Variants in EIF5B observed in about 807,000 individuals in gnomAD.
The protein encoded by EIF5B is eIF-5B.
Under a neutral mutation model 147.5 loss-of-function variants are expected in EIF5B, and 47 were observed. The ratio of observed to expected loss-of-function variants is 0.32; its 90% CI spans 0.25 to 0.41. The LOEUF is 0.41. Ranked by LOEUF, EIF5B falls within the 10% of genes least tolerant of loss-of-function variation. EIF5B has a pLI of 1.00. For missense variants in EIF5B, 1,064 were observed against 1,413.2 expected (o/e 0.75, Z 3.96); for synonymous variants, 455 against 456.2 (o/e 1.00, Z 0.03).
At position 99,385,140 on chromosome 2, in the gene EIF5B, G is replaced by A. The variant is rs189666678; in HGVS notation, c.2271+2219G>A. 2.3e-3 allele frequency among the ~76,000 whole-genome samples: 350 copies of A among 152,184 alleles called. 4 individuals are homozygous for A. Among genetic ancestry groups the A allele is most frequent in the African/African-American group, 8.2e-3 (341 of 41,514 alleles). On this transcript the variant is annotated intron_variant, in intron 14 of 23. Coordinates refer to ENST00000289371, the MANE Select transcript of EIF5B (RefSeq NM_015904.4). ...CAGCTCACCGCAACCTCTGCCTTCC[G>A]GGTTCAAGCGATTCTCCTGCCTCAG...
intron 22 of EIF5B, chr2:99,397,894 T>A (rs1240052941): frequency 1.3e-5 from 2 of 151,850 alleles, no homozygotes; most frequent in Non-Finnish European, 2.9e-5. Context: ...AAGAACCTCT[T>A]CCCACTGACC....
At chr2:99,371,514 T>G in intron 8 of EIF5B, 142 bp from the exon 9 acceptor site, 1 of 577,714 alleles carries the variant, frequency 1.7e-6, no homozygotes, top group Non-Finnish European at 2.9e-6. Context: ...AAGATAGTTC[T>G]AAAGATAATA....
chr2:99,396,681 C>G lies in EIF5B; in HGVS notation c.3255-79C>G, dbSNP rs1675055863. The G allele has an allele frequency of 1.1e-5, 17 of 1,498,232 alleles. 1 individual carries two copies. The highest frequency in any genetic ancestry group is 4.3e-4 in the Middle Eastern group (2 of 4,700). 92.8% of individuals were successfully genotyped at this position (1,498,232 alleles called of 1,614,324 possible). A position where few individuals can be genotyped will look rare whatever the true frequency, so the allele number is the denominator to read the frequency against. On this transcript the variant is annotated intron_variant, in intron 21 of 23. Coordinates refer to ENST00000289371, the MANE Select transcript of EIF5B (RefSeq NM_015904.4). ...AGCTGCTTTCCTCTAATGGGAGAAG[C>G]CTGATGTTCAGCTGCAGTTTTTCTT...
intron 1 of EIF5B, among the ~76,000 whole-genome samples, chr2:99,356,537 CAT>C (rs568365384): frequency 2.1e-3 from 327 of 152,224 alleles, no homozygotes; most frequent in African/African-American, 6.8e-3. Flanking sequence ...AATTAATTAA[CAT>C]ATTAATTTGT....
Position 99,337,612 on chromosome 2 carries a change from C to T in EIF5B, c.35+23C>T, listed in dbSNP as rs959180424. On this transcript the variant is annotated intron_variant, in intron 1 of 23. Transcript: ENST00000289371. ...CAGGTAGATAGGGGTTGGGTCCGTA[C>T]GGCGGCGGCCGCCGTGGCTCAGTGG... 4 of 1,600,228 alleles carry T rather than the reference C, an allele frequency of 2.5e-6. No individual in the cohort carries two copies. The East Asian group carries it at 6.7e-5, about 27-fold the overall frequency.
chr2:99,383,332 TTG>T (rs1674731096), intron 14 of EIF5B, among the ~76,000 whole-genome samples: 1 of 152,200 alleles, frequency 6.6e-6, no homozygotes, highest in African/African-American at 2.4e-5. Flanking sequence ...TCAATACATG[TTG>T]TGAGTGCTCT....
At chr2:99,364,207 T>C in intron 5 of EIF5B, 64 bp from the exon 6 acceptor site, 1 of 1,508,282 alleles carries the variant, frequency 6.6e-7, no homozygotes, top group Non-Finnish European at 8.8e-7. Flanking sequence ...TTGGATTGTT[T>C]ACATTTGAAT....
Position 99,361,772 on chromosome 2 carries a change from G to T in EIF5B, c.871G>T (p.Val291Leu). Residue 291 changes from valine to leucine, a missense_variant, in exon 4 of 24, where the codon GTA becomes TTA. By Grantham distance (32) the Val-to-Leu change is conservative. Coordinates refer to ENST00000289371, the MANE Select transcript of EIF5B (RefSeq NM_015904.4). ...ATCCAAAGTGACTGTTGATACTGGA[G>T]TAATTCCTGCCTCTGAAGAGAAAGC... The part of the protein sequence containing the change: ...VKSKVTVDTG[V>L]IPASEEKAET... 1 of 1,574,640 alleles carries T rather than the reference G, an allele frequency of 6.4e-7. No homozygotes were observed. Among genetic ancestry groups the T allele is most frequent in the Non-Finnish European group, 8.5e-7 (1 of 1,169,836 alleles).
intron 1 of EIF5B, among the ~76,000 whole-genome samples, chr2:99,355,545 C>G (rs1341447995): frequency 1.3e-5 from 2 of 149,474 alleles, no homozygotes; most frequent in African/African-American, 4.9e-5. Context: ...TTTGGAATAA[C>G]TATAAGTAAT....
In EIF5B at chr2:99,361,788, A is replaced by G. The variant is rs1463632423; in HGVS notation, c.887A>G (p.Glu296Gly). Residue 296 changes from glutamate (E) to glycine (G), a missense_variant, in exon 4 of 24, where the codon GAA becomes GGA. Transcript: ENST00000289371. ...TVDTGVIPAS[E>G]EKAETPTAAE... ...GATACTGGAGTAATTCCTGCCTCTG[A>G]AGAGAAAGCAGAGACTCCCACAGCT... 2 of 1,562,510 alleles carry G rather than the reference A, an allele frequency of 1.3e-6. No individual in the cohort carries two copies. Among genetic ancestry groups the G allele is most frequent in the Non-Finnish European group, 1.7e-6 (2 of 1,165,134 alleles).
rs1300760486 is a variant in EIF5B at position 99,400,567 on chromosome 2, T to C, written c.*1153T>C. The C allele has an allele frequency of 1.3e-5, 2 of 152,202 alleles. No homozygotes were observed. The highest frequency in any genetic ancestry group is 4.8e-5 in the African/African-American group (2 of 41,436). The allele number at this position is 152,202 out of a possible 1,614,324, so 9.4% of individuals were successfully genotyped here. A position where few individuals can be genotyped will look rare whatever the true frequency, so the allele number is the denominator to read the frequency against. ...GTTTGAAAAATCTATACCGTTCTTT[T>C]TTATCATCAAAGTTTCTCAATGGCC... On this transcript the variant is annotated 3_prime_UTR_variant, in exon 24 of 24. Coordinates refer to ENST00000289371, the MANE Select transcript of EIF5B (RefSeq NM_015904.4).
At chr2:99,340,730 T>G (rs1046007307) in intron 1 of EIF5B, 2 of 152,208 alleles carry the variant, frequency 1.3e-5, no homozygotes, top group African/African-American at 4.8e-5. Context: ...GAATTTTGCT[T>G]AAAGACCAAG....
At chr2:99,344,531 G>A (rs1483102672) in intron 1 of EIF5B, among the ~76,000 whole-genome samples, 1 of 151,782 alleles carries the variant, frequency 6.6e-6, no homozygotes, top group Non-Finnish European at 1.5e-5. Flanking sequence ...CCGTCTCCTG[G>A]GTTCAAGGGA....
In EIF5B at chr2:99,398,949, G is replaced by C; in HGVS notation, c.3555+40G>C. 5 of 1,595,906 alleles carry C rather than the reference G, an allele frequency of 3.1e-6. No homozygotes were observed. The South Asian group carries it at 5.7e-5, about 18-fold the overall frequency. On this transcript the variant is annotated intron_variant, in intron 23 of 23. Coordinates refer to ENST00000289371, the MANE Select transcript of EIF5B (RefSeq NM_015904.4). ...AAAAGTGGCACACTTTAAGCAACAG[G>C]GAATCACTCTTCTTGGGTCACCTGT... is the stretch of plus-strand genomic sequence containing the variant.
rs142104010 is a variant in EIF5B at position 99,339,782 on chromosome 2, C to G, written c.35+2193C>G. On this transcript the variant is annotated intron_variant, in intron 1 of 23. Transcript: ENST00000289371. ...TGTCTTTTTAGGGAAAAGTGAGTGT[C>G]TCATTGATTTATAAAGATTTTCAGG... Among the ~76,000 whole-genome samples, 505 of 152,142 alleles carry G rather than the reference C, an allele frequency of 3.3e-3. 3 individuals are homozygous for G. Among genetic ancestry groups the G allele is most frequent in the African/African-American group, 0.012 (489 of 41,506 alleles).
At position 99,360,453 on chromosome 2, in the gene EIF5B, A is replaced by C. The variant is rs1559247984; in HGVS notation, c.162-12A>C. 1 of 1,611,848 alleles carries C rather than the reference A, an allele frequency of 6.2e-7. No individual in the cohort carries two copies. The highest frequency in any genetic ancestry group is 8.5e-7 in the Non-Finnish European group (1 of 1,179,126). ...TACCAGTGCTTCACAATGTATTTTA[A>C]TCCTTTTCTAGTGAAGATGATATCC... On this transcript the variant is annotated splice_polypyrimidine_tract_variant and intron_variant, in intron 2 of 23. Coordinates refer to ENST00000289371, the MANE Select transcript of EIF5B (RefSeq NM_015904.4).
In EIF5B at chr2:99,376,622, A is replaced by G. The variant is rs1381064322; in HGVS notation, c.1828A>G (p.Lys610Glu). The G allele has an allele frequency of 1.2e-6, 2 of 1,601,950 alleles. No individual in the cohort carries two copies. The highest frequency in any genetic ancestry group is 3.5e-5 in the Admixed American group (2 of 57,314). ...TKEERAYDKA[K>E]RRIEKRRLEH... ...AGAAGAAAGGGCTTATGACAAAGCA[A>G]AACGGAGGATTGAGGTATTTATTTT... The change falls in exon 10 of 24, where the codon AAA (lysine) becomes GAA (glutamate). Residue 610 changes from lysine (K) to glutamate (E), a missense_variant. Lys to Glu is a moderately conservative substitution (Grantham distance 56). Around this residue, in one of 4 missense-constraint regions of EIF5B, gnomAD observed 195 missense variants for 186.3 expected, o/e 1.05. Transcript: ENST00000289371.
At position 99,345,271 on chromosome 2, in the gene EIF5B, CTTAT is replaced by C. The variant is rs778891776; in HGVS notation, c.35+7688_35+7691del. Among the ~76,000 whole-genome samples the C allele has an allele frequency of 7.8e-4, 119 of 152,186 alleles. 1 individual carries two copies. Among genetic ancestry groups the C allele is most frequent in the Non-Finnish European group, 1.4e-3 (92 of 68,004 alleles). ...TGCCACTCCAGAATAGGACTTTTTC[CTTAT>C]TTATTAGTGCCTATTTGAAATGTCT... is the stretch of plus-strand genomic sequence containing the variant. On this transcript the variant is annotated intron_variant, in intron 1 of 23. Transcript: ENST00000289371.
At position 99,360,228 on chromosome 2, in the gene EIF5B, CA is replaced by C. The variant is rs1674180097; in HGVS notation, c.36-7del. 4 of 1,570,818 alleles carry C rather than the reference CA, an allele frequency of 2.5e-6. No homozygotes were observed. Among genetic ancestry groups the C allele is most frequent in the Admixed American group, 2.1e-5 (1 of 48,380 alleles). Reference sequence around the variant, plus strand: ...GTAGCATTTAGGATGTTTTTGTTTTCATTTAAGCACCAAGGATGACATTGAT... The same window carrying C: ...GTAGCATTTAGGATGTTTTTGTTTTCTTTAAGCACCAAGGATGACATTGAT... On this transcript the variant is annotated splice_region_variant and splice_polypyrimidine_tract_variant and intron_variant, in intron 1 of 23. Transcript: ENST00000289371.
Sources: allele counts gnomAD v4.1 joint callset (sites outside exome capture counted in the v4.1 genomes callset), GRCh38; gene constraint gnomAD v4.1.1; regional missense constraint gnomAD v4.1.1; transcripts MANE v1.5; gene names NCBI Gene and HGNC (gene_info 2026-07-23, HGNC 2026-07-21).